The following WNT7B variants were observed in gnomAD, a reference collection of about 807,000 sequenced individuals.
The protein encoded by WNT7B is Wnt family member 7B, also known as protein Wnt-7b.
A neutral mutation model predicts 38.2 loss-of-function variants in WNT7B; 19 were observed. The observed-to-expected ratio is 0.50, with a 90% confidence interval of 0.35 to 0.73. WNT7B has a LOEUF of 0.73. WNT7B is among the 30% of genes least tolerant of loss of function. WNT7B has a pLI of 0.01. For missense variants in WNT7B, 423 were observed against 507.9 expected (o/e 0.83, Z 1.61); for synonymous variants, 243 against 209.3 (o/e 1.16, Z -1.39).
At chr22:45,929,864 C>CCATTCATA (rs139423492) in intron 3 of WNT7B, among the ~76,000 whole-genome samples, 56,616 of 150,384 alleles carry the variant, frequency 0.38, 10,775 homozygotes, top group African/African-American at 0.43. Flanking sequence ...ATCCTTCCAT[C>CCATTCATA]CATCCATCCA....
intron 2 of WNT7B, among the ~76,000 whole-genome samples, chr22:45,933,178 G>A (rs1931421983): frequency 1.3e-5 from 2 of 152,114 alleles, no homozygotes; most frequent in African/African-American, 4.8e-5. Context: ...CCGTCATGGA[G>A]GGAGCCACAG....
chr22:45,975,441 C>T lies in WNT7B; in HGVS notation c.71+1243G>A, dbSNP rs1010283308. On this transcript the variant is annotated intron_variant, in intron 1 of 3. Transcript: ENST00000339464. The surrounding 1 kb of genome is among the most constrained non-coding windows in gnomAD (Gnocchi z 6.6). ...ACGGGGCTACCGGCAGCCGCAGACA[C>T]GCCCGCCCAGACCTGCAGGGCTCAG... The T allele has an allele frequency of 4.5e-6, 3 of 661,950 alleles. No homozygotes were observed. The highest frequency in any genetic ancestry group is 5.7e-6 in the Non-Finnish European group (2 of 353,760). 41.0% of individuals were successfully genotyped at this position (661,950 alleles called of 1,614,324 possible).
chr22:45,949,954 G>T lies in WNT7B; in HGVS notation c.264C>A (p.Gly88=). The change falls in exon 2 of 4, where the codon GGC becomes GGA. Residue 88 remains glycine, a synonymous_variant. Coordinates refer to ENST00000339464, the MANE Select transcript of WNT7B (RefSeq NM_058238.3). ...RFGRWNCSAL[G]EKTVFGQELR... is the part of the protein sequence containing the mutation. ...GCTCTTGCCCGAAGACGGTCTTCTC[G>T]CCGAGGGCAGAGCAGTTCCAGCGTC... 6.2e-7 allele frequency: 1 copy of T among 1,611,992 alleles called. No homozygotes were observed. The highest frequency in any genetic ancestry group is 1.3e-5 in the African/African-American group (1 of 75,038).
At chr22:45,925,456 G>A (rs987534736) in intron 3 of WNT7B, 5 of 985,288 alleles carry the variant, frequency 5.1e-6, no homozygotes, top group African/African-American at 3.5e-5. Context: ...AGAAGAGGGC[G>A]GGGCAGCTTT....
At chr22:45,927,213 CT>C in intron 3 of WNT7B, 1 of 985,418 alleles carries the variant, frequency 1.0e-6, no homozygotes, top group African/African-American at 1.7e-5. Flanking sequence ...GGGCCGGGCA[CT>C]GGGCACTCAG....
intron 1 of WNT7B, among the ~76,000 whole-genome samples, chr22:45,971,752 T>C (rs1468667808): frequency 6.6e-6 from 1 of 152,054 alleles, no homozygotes; most frequent in African/African-American, 2.4e-5. Flanking sequence ...CTCCCAAGTG[T>C]GGCATGGTAT....
rs1932570380 is a variant in WNT7B, at chr22:45,977,120, G to A, written c.-366C>T. The A allele has an allele frequency of 1.5e-6, 1 of 686,788 alleles. No homozygotes were observed. The highest frequency in any genetic ancestry group is 2.0e-5 in the African/African-American group (1 of 51,234). The allele number at this position is 686,788 out of a possible 1,614,324, so 42.5% of individuals were successfully genotyped here. ...CCGTGAGCGCCTCGCCGAGCGCCGCGGCGGCCAATGTGTCCGCACTTGTCG... is the reference window on the plus strand; with the variant it reads ...CCGTGAGCGCCTCGCCGAGCGCCGCAGCGGCCAATGTGTCCGCACTTGTCG... On this transcript the variant is annotated 5_prime_UTR_variant, in exon 1 of 4. Transcript: ENST00000339464.
intron 2 of WNT7B, among the ~76,000 whole-genome samples, chr22:45,943,585 C>A (rs1432931517): frequency 6.6e-6 from 1 of 152,210 alleles, no homozygotes; most frequent in East Asian, 1.9e-4. Context: ...ACAGAGACCC[C>A]TTCCTCCCCG....
intron 2 of WNT7B, among the ~76,000 whole-genome samples, chr22:45,947,141 C>T (rs932894669): frequency 6.6e-6 from 1 of 152,198 alleles, no homozygotes. Context: ...CGGGGCCTGG[C>T]GTGCTTGGGG....
chr22:45,927,974 G>C (rs933882840), intron 3 of WNT7B, among the ~76,000 whole-genome samples: 14 of 152,198 alleles, frequency 9.2e-5, no homozygotes, highest in Non-Finnish European at 1.9e-4. Context: ...GAGGGATGTG[G>C]CCACAGCGGA....
rs367797133 is a variant in WNT7B, at chr22:45,957,682, C to CAAAAAAAAAAAAAAA, written c.72-7551_72-7537dup. 9.4e-4 allele frequency among the ~76,000 whole-genome samples: 34 copies of CAAAAAAAAAAAAAAA among 36,014 alleles called. 1 individual carries two copies. The highest frequency in any genetic ancestry group is 2.1e-3 in the Admixed American group (4 of 1,912). The allele number at this position is 36,014 out of a possible 152,430, so 23.6% of individuals were successfully genotyped here. ...TGCGTGAGGGAGCAAGACTCCGTCT[C>CAAAAAAAAAAAAAAA]AAAAAAAAAAAAAAAAAAAAAAAAA... is the stretch of plus-strand genomic sequence containing the variant. On this transcript the variant is annotated intron_variant, in intron 1 of 3. Transcript: ENST00000339464.
intron 1 of WNT7B, among the ~76,000 whole-genome samples, chr22:45,957,438 C>G (rs1197760529): frequency 6.6e-6 from 1 of 151,960 alleles, no homozygotes; most frequent in African/African-American, 2.4e-5. Context: ...AATCCCAGCA[C>G]TTTGGGAGGC....
rs141546694 is a variant in WNT7B at position 45,944,236 on chromosome 22, T to C, written c.298+5684A>G. Among the ~76,000 whole-genome samples, 392 of 152,286 alleles carry C rather than the reference T, an allele frequency of 2.6e-3. 2 individuals are homozygous for C. The highest frequency in any genetic ancestry group is 8.8e-3 in the African/African-American group (366 of 41,552). On this transcript the variant is annotated intron_variant, in intron 2 of 3. Coordinates refer to ENST00000339464, the MANE Select transcript of WNT7B (RefSeq NM_058238.3). ...CTGGGGAGGATGGAAAATTCCCAAC[T>C]TGCATGAGTTCCAGGTGGCCTCGGA...
intron 1 of WNT7B, among the ~76,000 whole-genome samples, chr22:45,962,417 A>T (rs1406065871): frequency 6.6e-6 from 1 of 152,160 alleles, no homozygotes; most frequent in Non-Finnish European, 1.5e-5. Context: ...ACCAGGATGC[A>T]CCAGGTGCTG....
rs965209852 is a variant in WNT7B at position 45,925,436 on chromosome 22, G to C, written c.571-2101C>G. On this transcript the variant is annotated intron_variant, in intron 3 of 3. Coordinates refer to ENST00000339464, the MANE Select transcript of WNT7B (RefSeq NM_058238.3). ...GGATGGCAGAGGGTGGGAGGAGCCC[G>C]GGTGTCCTGAGAAGAGGGCGGGGCA... The C allele has an allele frequency of 3.0e-6, 3 of 985,280 alleles. No individual in the cohort carries two copies. In the African/African-American group the frequency reaches 5.2e-5, roughly 17 times the overall value. The allele number at this position is 985,280 out of a possible 1,614,324, so 61.0% of individuals were successfully genotyped here. A position where few individuals can be genotyped will look rare whatever the true frequency, so the allele number is the denominator to read the frequency against.
chr22:45,964,289 C>T (rs1314588829), intron 1 of WNT7B, among the ~76,000 whole-genome samples: 1 of 152,132 alleles, frequency 6.6e-6, no homozygotes, highest in African/African-American at 2.4e-5. Context: ...CACCCTGAGG[C>T]TCAGAAAGGT....
chr22:45,931,083 G>T lies in WNT7B; in HGVS notation c.570+15C>A. 1.3e-6 allele frequency: 2 copies of T among 1,553,252 alleles called. No homozygotes were observed. The highest frequency in any genetic ancestry group is 8.7e-7 in the Non-Finnish European group (1 of 1,150,256). ...GTCCCAGCTACGGCCCCCACCAGCCGCACCCGCACCCTACCTTCCTGCCGG... is the reference window on the plus strand; with the variant it reads ...GTCCCAGCTACGGCCCCCACCAGCCTCACCCGCACCCTACCTTCCTGCCGG... On this transcript the variant is annotated intron_variant, in intron 3 of 3. Transcript: ENST00000339464.
intron 1 of WNT7B, among the ~76,000 whole-genome samples, chr22:45,964,976 T>C (rs1018961225): frequency 6.6e-6 from 1 of 152,058 alleles, no homozygotes; most frequent in East Asian, 1.9e-4. Context: ...CTCCCCATCC[T>C]CCACCTCATT....
chr22:45,930,513 G>A (rs776486664), intron 3 of WNT7B, among the ~76,000 whole-genome samples: 4 of 152,174 alleles, frequency 2.6e-5, no homozygotes, highest in African/African-American at 7.2e-5. Context: ...GGCGGGGCCC[G>A]GCTTGCTCTG....
Sources: allele counts gnomAD v4.1 joint callset (sites outside exome capture counted in the v4.1 genomes callset), GRCh38; gene constraint gnomAD v4.1.1; non-coding constraint Gnocchi (gnomAD v3.1); transcripts MANE v1.5; gene names NCBI Gene and HGNC (gene_info 2026-07-23, HGNC 2026-07-21).